PARD6G: variants seen among roughly 807,000 people sequenced by gnomAD.
PARD6G encodes partitioning defective 6 homolog gamma.
Under a neutral mutation model 10.7 loss-of-function variants are expected in PARD6G, and 7 were observed. That is an observed-to-expected ratio of 0.66 (90% CI 0.37 to 1.23). The LOEUF (loss-of-function observed/expected upper bound fraction) is 1.23. Ranked by LOEUF, PARD6G falls within the 50% of genes most tolerant of loss-of-function variation. PARD6G has a pLI of 0.02. For missense variants in PARD6G, 548 were observed against 571.8 expected (o/e 0.96, Z 0.42); for synonymous variants, 287 against 269.4 (o/e 1.07, Z -0.64).
At chr18:80,216,283 C>T (rs1451589743) in intron 1 of PARD6G, among the ~76,000 whole-genome samples, 1 of 152,030 alleles carries the variant, frequency 6.6e-6, no homozygotes, top group Admixed American at 6.6e-5. Context: ...ACCTGGAAGA[C>T]ATCTGTATAA....
intron 1 of PARD6G, among the ~76,000 whole-genome samples, chr18:80,227,518 C>T (rs1203215096): frequency 2.0e-5 from 3 of 152,204 alleles, no homozygotes; most frequent in African/African-American, 7.2e-5. Context: ...TACTTGCACA[C>T]GGGTGACAAG....
intron 2 of PARD6G, among the ~76,000 whole-genome samples, chr18:80,195,893 C>CT (rs34999890): frequency 0.48 from 70,254 of 145,120 alleles, 17,066 homozygotes; most frequent in South Asian, 0.57. Flanking sequence ...AAAAAGTAAA[C>CT]TTTTTTTTTT....
At chr18:80,195,893 C>CTTT (rs34999890) in intron 2 of PARD6G, among the ~76,000 whole-genome samples, 1 of 145,284 alleles carries the variant, frequency 6.9e-6, no homozygotes, top group Admixed American at 6.9e-5. Flanking sequence ...AAAAAGTAAA[C>CTTT]TTTTTTTTTT....
chr18:80,236,015 T>C (rs1158334823), intron 1 of PARD6G, among the ~76,000 whole-genome samples: 1 of 152,162 alleles, frequency 6.6e-6, no homozygotes, highest in Non-Finnish European at 1.5e-5. Context: ...GCCAGCATCA[T>C]CCTGATACCA....
intron 2 of PARD6G, among the ~76,000 whole-genome samples, chr18:80,202,400 G>C (rs7227720): frequency 0.19 from 28,796 of 152,002 alleles, 2,880 homozygotes; most frequent in Middle Eastern, 0.28. Context: ...GTAACCCCAA[G>C]TTTCATTCTG....
In PARD6G at chr18:80,161,071, T is replaced by C. The variant is rs2052697943; in HGVS notation, c.296-465A>G. ...AGAGAGACCTTTCCTGCTTTCTTCT[T>C]TTCTATGCGCAAGCCCCACCACAGT... On this transcript the variant is annotated intron_variant, in intron 2 of 2. Transcript: ENST00000353265. This position sits in a 1 kb window ranked among gnomAD's most constrained non-coding sequence, Gnocchi z 4.6. Among the ~76,000 whole-genome samples the C allele has an allele frequency of 6.6e-6, 1 of 152,220 alleles. No individual in the cohort carries two copies. The highest frequency in any genetic ancestry group is 6.5e-5 in the Admixed American group (1 of 15,288).
intron 1 of PARD6G, among the ~76,000 whole-genome samples, chr18:80,219,143 C>T (rs112603969): frequency 0.026 from 3,918 of 152,280 alleles, 161 homozygotes; most frequent in African/African-American, 0.089. Context: ...GATTAACATT[C>T]GGCTCCTTGT....
chr18:80,212,896 A>AT (rs144489258), intron 1 of PARD6G, among the ~76,000 whole-genome samples: 9 of 151,842 alleles, frequency 5.9e-5, no homozygotes, highest in African/African-American at 9.7e-5. Flanking sequence ...AAAAAAAAAA[A>AT]TTATCTTGTT....
intron 1 of PARD6G, among the ~76,000 whole-genome samples, chr18:80,203,591 C>G (rs1967029510): frequency 6.6e-6 from 1 of 152,140 alleles, no homozygotes; most frequent in Admixed American, 6.5e-5. Flanking sequence ...TTTTGGGTGG[C>G]ATGAAAGGAG....
chr18:80,168,607 G>GTGTGTATGTA (rs2052752874), intron 2 of PARD6G, among the ~76,000 whole-genome samples: 1 of 139,368 alleles, frequency 7.2e-6, no homozygotes, highest in Non-Finnish European at 1.6e-5. Context: ...GTGTGTGTGT[G>GTGTGTATGTA]TATGTATATG....
At chr18:80,191,281 C>A (rs1322036764) in intron 2 of PARD6G, among the ~76,000 whole-genome samples, 1 of 152,208 alleles carries the variant, frequency 6.6e-6, no homozygotes, top group Middle Eastern at 3.2e-3. Flanking sequence ...AATGTCGGGG[C>A]AGCAGCTGCC....
At chr18:80,236,346 G>A (rs1313351569) in intron 1 of PARD6G, among the ~76,000 whole-genome samples, 5 of 152,084 alleles carry the variant, frequency 3.3e-5, no homozygotes, top group African/African-American at 1.2e-4. Flanking sequence ...TTGATGGGAC[G>A]TATCTCAAAA....
chr18:80,210,892 AC>A (rs1163572852), intron 1 of PARD6G, among the ~76,000 whole-genome samples: 5 of 100,342 alleles, frequency 5.0e-5, no homozygotes, highest in Non-Finnish European at 1.0e-4. Context: ...AAACCTCCCC[AC>A]CCCCCATCCC....
At chr18:80,198,292 C>T (rs1010912205) in intron 2 of PARD6G, among the ~76,000 whole-genome samples, 5 of 152,136 alleles carry the variant, frequency 3.3e-5, no homozygotes, top group African/African-American at 1.2e-4. Context: ...ACACCTTTCT[C>T]AAAATAACGT....
chr18:80,226,433 AG>A (rs1967293956), intron 1 of PARD6G, among the ~76,000 whole-genome samples: 1 of 152,062 alleles, frequency 6.6e-6, no homozygotes, highest in African/African-American at 2.4e-5. Context: ...GGCCTCCCAA[AG>A]GGCTGGGATT....
chr18:80,218,876 A>G (rs1360954126), intron 1 of PARD6G, among the ~76,000 whole-genome samples: 1 of 152,180 alleles, frequency 6.6e-6, no homozygotes, highest in South Asian at 2.1e-4. Flanking sequence ...CTCAGGCCCA[A>G]TACCACATGG....
chr18:80,214,576 A>G (rs191266946), intron 1 of PARD6G, among the ~76,000 whole-genome samples: 356 of 152,348 alleles, frequency 2.3e-3, no homozygotes, highest in African/African-American at 8.2e-3. Flanking sequence ...AAACCGAAAT[A>G]CAAAATTCAG....
chr18:80,225,822 C>G (rs527991037), intron 1 of PARD6G, among the ~76,000 whole-genome samples: 2 of 152,068 alleles, frequency 1.3e-5, no homozygotes, highest in Admixed American at 1.3e-4. Flanking sequence ...AGAGGAAAGT[C>G]CAGGTCTAGT....
chr18:80,222,068 A>T (rs937463818), intron 1 of PARD6G, among the ~76,000 whole-genome samples: 20 of 152,076 alleles, frequency 1.3e-4, no homozygotes, highest in Non-Finnish European at 2.1e-4. Context: ...CTCATGGATT[A>T]GAAAACTTAA....
Sources: gnomAD v4.1 joint callset for allele counts (sites outside exome capture counted in the v4.1 genomes callset) on GRCh38, gnomAD v4.1.1 for gene constraint, Gnocchi (gnomAD v3.1) non-coding constraint, MANE v1.5 for transcripts, NCBI Gene and HGNC (gene_info 2026-07-23, HGNC 2026-07-21) for gene names.